The following GAK variants were observed in gnomAD, a reference collection of about 807,000 sequenced individuals.
GAK encodes cyclin-G-associated kinase.
GAK carries 79 observed loss-of-function variants against 143.9 expected under a neutral mutation model. The ratio of observed to expected loss-of-function variants is 0.55; its 90% CI spans 0.46 to 0.66. The LOEUF (loss-of-function observed/expected upper bound fraction) is 0.66. GAK is among the 30% of genes least tolerant of loss of function. GAK has a pLI of 0.00. For missense variants in GAK, 1,693 were observed against 1,779.7 expected, an observed-to-expected ratio of 0.95 and a Z score of 0.88; for synonymous variants, 881 against 765.5, an observed-to-expected ratio of 1.15 and a Z score of -2.49.
chr4:901,972 T>C (rs1205903774), intron 5 of GAK, among the ~76,000 whole-genome samples: 1 of 152,214 alleles, frequency 6.6e-6, no homozygotes, highest in African/African-American at 2.4e-5. Flanking sequence ...GCGTGGTGTC[T>C]CACGCCTGTA....
chr4:919,315 C>CT (rs1322752312), intron 1 of GAK, among the ~76,000 whole-genome samples: 1 of 148,708 alleles, frequency 6.7e-6, no homozygotes, highest in Non-Finnish European at 1.5e-5. Context: ...CTCCAAAGGC[C>CT]TCAGCACCCC....
intron 15 of GAK, among the ~76,000 whole-genome samples, chr4:880,770 G>C (rs1714939742): frequency 1.3e-5 from 2 of 152,218 alleles, no homozygotes; most frequent in South Asian, 4.1e-4. Flanking sequence ...GGTCCAGCTA[G>C]CTGCCCGGTG....
intron 15 of GAK, among the ~76,000 whole-genome samples, chr4:879,416 CTTCTT>C (rs1319232363): frequency 6.6e-6 from 1 of 152,102 alleles, no homozygotes; most frequent in African/African-American, 2.4e-5. Flanking sequence ...TTTCTTTTTT[CTTCTT>C]TTCGCCTTCT....
Position 867,001 on chromosome 4 carries a change from G to C in GAK, c.2827C>G (p.Pro943Ala), listed in dbSNP as rs368118041. 14 of 1,499,406 alleles carry C rather than the reference G, an allele frequency of 9.3e-6. No homozygotes were observed. The highest frequency in any genetic ancestry group is 1.2e-5 in the Non-Finnish European group (14 of 1,124,830). The allele number at this position is 1,499,406 out of a possible 1,614,324, so 92.9% of individuals were successfully genotyped here. A position where few individuals can be genotyped will look rare whatever the true frequency, so the allele number is the denominator to read the frequency against. The part of the protein sequence containing the change: ...DPLLLASPAP[P>A]LSVQSTPRGG... ...CTTGGGGTGCTCTGCACGCTCAGGGGAGGGGCCGGGCTTGCCAGGAGCAGC... is the reference window on the plus strand; with the variant it reads ...CTTGGGGTGCTCTGCACGCTCAGGGCAGGGGCCGGGCTTGCCAGGAGCAGC... The change falls in exon 21 of 28, where the codon CCC becomes GCC. Residue 943 changes from proline (P) to alanine (A), a missense_variant. By Grantham distance (27) the Pro-to-Ala change is conservative. This residue lies in a region of GAK where 822 missense variants were observed against 788.7 expected (regional missense o/e 1.04). Coordinates refer to ENST00000314167, the MANE Select transcript of GAK (RefSeq NM_005255.4).
intron 11 of GAK, chr4:886,369 G>A (rs1431648093): frequency 1.3e-5 from 2 of 152,200 alleles, no homozygotes; most frequent in African/African-American, 4.8e-5. Flanking sequence ...AGCCCCTGCG[G>A]CCTTAGGCTT....
At chr4:901,365 C>T (rs1719842515) in intron 5 of GAK, among the ~76,000 whole-genome samples, 1 of 150,668 alleles carries the variant, frequency 6.6e-6, no homozygotes, top group African/African-American at 2.5e-5. Context: ...AGAGCCACGG[C>T]CTTGGGCCTC....
chr4:881,834 A>ACAC (rs1407971106), intron 15 of GAK, 73 bp downstream of exon 15: 2 of 1,478,844 alleles, frequency 1.4e-6, no homozygotes, highest in Admixed American at 2.1e-5. Context: ...CCTCCAGGAG[A>ACAC]CACCACAGCG....
At chr4:871,924 C>T (rs754243659) in intron 18 of GAK, among the ~76,000 whole-genome samples, 1 of 152,170 alleles carries the variant, frequency 6.6e-6, no homozygotes, top group African/African-American at 2.4e-5. Flanking sequence ...TCTTATTTTA[C>T]GCCACCTAAA....
At chr4:926,663 T>C (rs959771005) in intron 1 of GAK, among the ~76,000 whole-genome samples, 29 of 152,250 alleles carry the variant, frequency 1.9e-4, no homozygotes, top group African/African-American at 6.7e-4. Flanking sequence ...CTAGCCAAAG[T>C]GGACAAATGT....
intron 4 of GAK, among the ~76,000 whole-genome samples, chr4:905,605 C>T (rs974080615): frequency 6.6e-5 from 10 of 152,088 alleles, no homozygotes; most frequent in South Asian, 2.1e-4. Flanking sequence ...TTACGGACTC[C>T]GCCAAACCAG....
chr4:896,680 C>A, intron 6 of GAK, 131 bp from the exon 7 acceptor site: 1 of 725,192 alleles, frequency 1.4e-6, no homozygotes, highest in South Asian at 1.6e-5. Context: ...CACTATGCCC[C>A]GGGATGACCT....
At chr4:854,192 T>A (rs1310046964) in intron 24 of GAK, among the ~76,000 whole-genome samples, 1 of 150,922 alleles carries the variant, frequency 6.6e-6, no homozygotes, top group Non-Finnish European at 1.5e-5. Flanking sequence ...CACAGGACAA[T>A]AGTGGAGGGA....
intron 24 of GAK, among the ~76,000 whole-genome samples, chr4:855,474 A>C (rs1265822169): frequency 6.6e-6 from 1 of 152,206 alleles, no homozygotes; most frequent in Non-Finnish European, 1.5e-5. Context: ...TAGTTCTAAA[A>C]GATCTTTGTA....
chr4:931,977 G>T, intron 1 of GAK, 66 bp downstream of exon 1: 1 of 1,191,644 alleles, frequency 8.4e-7, no homozygotes, highest in Non-Finnish European at 1.2e-6. Flanking sequence ...CCGGGCTGAC[G>T]CTGCCCCCAG....
chr4:912,153 C>T (rs981449259), intron 3 of GAK: 8 of 459,484 alleles, frequency 1.7e-5, no homozygotes, highest in Middle Eastern at 3.2e-4. Flanking sequence ...AGGCAGCCGG[C>T]GGGCTCTCCG....
intron 4 of GAK, among the ~76,000 whole-genome samples, chr4:909,789 C>T (rs2152929638): frequency 6.6e-6 from 1 of 152,346 alleles, no homozygotes; most frequent in Non-Finnish European, 1.5e-5. Context: ...ACAATGGACG[C>T]CCCTTGTGCT....
Position 877,796 on chromosome 4 carries a change from T to G in GAK, c.1675A>C (p.Met559Leu). 1 of 1,599,076 alleles carries G rather than the reference T, an allele frequency of 6.3e-7. No homozygotes were observed. Among genetic ancestry groups the G allele is most frequent in the Non-Finnish European group, 8.5e-7 (1 of 1,171,684 alleles). The change falls in exon 16 of 28, where the codon ATG becomes CTG. Residue 559 changes from methionine to leucine, a missense_variant. Coordinates refer to ENST00000314167, the MANE Select transcript of GAK (RefSeq NM_005255.4). ...WPSHKRYIEY[M>L]CDMVAEEPIT... ...GGCTCCTCCGCCACCATGTCACACATGTACTCGATGTACCTGGGGGCAGAC... is the reference window on the plus strand; with the variant it reads ...GGCTCCTCCGCCACCATGTCACACAGGTACTCGATGTACCTGGGGGCAGAC...
In GAK at chr4:858,691, A is replaced by G. The variant is rs554606663; in HGVS notation, c.3283+915T>C. Reference sequence around the variant, plus strand: ...TTCATGACAGAACAGAAGGCACTTCAGATGTGAGCTCGCAAGAGCAGAGTG... The same window carrying G: ...TTCATGACAGAACAGAAGGCACTTCGGATGTGAGCTCGCAAGAGCAGAGTG... On this transcript the variant is annotated intron_variant, in intron 24 of 27. Coordinates refer to ENST00000314167, the MANE Select transcript of GAK (RefSeq NM_005255.4). Among the ~76,000 whole-genome samples the G allele has an allele frequency of 5.2e-5, 8 of 152,390 alleles. No homozygotes were observed. In the East Asian group the frequency reaches 1.5e-3, roughly 29 times the overall value.
intron 5 of GAK, among the ~76,000 whole-genome samples, chr4:902,665 C>T (rs1486523543): frequency 6.7e-6 from 1 of 149,616 alleles, no homozygotes; most frequent in African/African-American, 2.5e-5. Context: ...CGAGGCCCAC[C>T]ATGGGCAGGC....
Sources: allele counts gnomAD v4.1 joint callset (sites outside exome capture counted in the v4.1 genomes callset), GRCh38; gene constraint gnomAD v4.1.1; regional missense constraint gnomAD v4.1.1; transcripts MANE v1.5; gene names NCBI Gene and HGNC (gene_info 2026-07-23, HGNC 2026-07-21).